Variants in CHRNA5 observed in about 807,000 individuals in gnomAD.
The protein encoded by CHRNA5 is neuronal acetylcholine receptor subunit alpha-5.
CHRNA5 carries 28 observed loss-of-function variants against 41.2 expected under a neutral mutation model. The ratio of observed to expected loss-of-function variants is 0.68; its 90% CI spans 0.50 to 0.93. The LOEUF (loss-of-function observed/expected upper bound fraction) is 0.93. CHRNA5 is among the 40% of genes least tolerant of loss of function. The pLI is 0.00. For missense variants in CHRNA5, 481 were observed against 581.9 expected (o/e 0.83, Z 1.78); for synonymous variants, 188 against 205.8 (o/e 0.91, Z 0.74).
At position 78,588,538 on chromosome 15, in the gene CHRNA5, C is replaced by T. The variant is rs2052982198; in HGVS notation, c.413+115C>T. The T allele has an allele frequency of 2.0e-6, 1 of 503,778 alleles. No homozygotes were observed. The highest frequency in any genetic ancestry group is 3.5e-6 in the Non-Finnish European group (1 of 288,724). 31.2% of individuals were successfully genotyped at this position (503,778 alleles called of 1,614,324 possible). A position where few individuals can be genotyped will look rare whatever the true frequency, so the allele number is the denominator to read the frequency against. On this transcript the variant is annotated intron_variant, in intron 4 of 5. Transcript: ENST00000299565. This position sits in a 1 kb window ranked among gnomAD's most constrained non-coding sequence, Gnocchi z 4.1. ...TTGTTTAGGTATAAAAATCAAATGACATGACCGCATGTGCCTGGGTATGAT... is the reference window on the plus strand; with the variant it reads ...TTGTTTAGGTATAAAAATCAAATGATATGACCGCATGTGCCTGGGTATGAT...
intron 1 of CHRNA5, 70 bp downstream of exon 1, chr15:78,565,895 G>A (rs1489780550): frequency 3.1e-6 from 3 of 969,398 alleles, no homozygotes; most frequent in African/African-American, 1.7e-5. Context: ...CCAGGAAGCC[G>A]CCAGGCGACG....
intron 1 of CHRNA5, among the ~76,000 whole-genome samples, chr15:78,574,377 TC>T (rs1418556980): frequency 1.1e-5 from 1 of 87,034 alleles, no homozygotes; most frequent in Admixed American, 1.5e-4. Flanking sequence ...CTAAACGCTG[TC>T]TCAAAAAAAA....
intron 1 of CHRNA5, among the ~76,000 whole-genome samples, chr15:78,574,778 A>G (rs2052842003): frequency 6.6e-6 from 1 of 152,010 alleles, no homozygotes; most frequent in Non-Finnish European, 1.5e-5. Context: ...TCAGGAGTTC[A>G]AGACCAGCCT....
chr15:78,593,219 T>TA lies in CHRNA5; in HGVS notation c.1375dup (p.Ile459AsnfsTer10), dbSNP rs2053040305. On this transcript the variant is annotated frameshift_variant, in exon 6 of 6. Coordinates refer to ENST00000299565, the Ensembl canonical transcript of CHRNA5. LOFTEE classifies it high-confidence loss of function. ...GTTATTTATAAATGGGCAAATATATTAATACCAGTTCATATTGGAAATGCA... is the reference window on the plus strand; with the variant it reads ...GTTATTTATAAATGGGCAAATATATTAAATACCAGTTCATATTGGAAATGCA... The TA allele has an allele frequency of 6.2e-7, 1 of 1,612,714 alleles. No individual in the cohort carries two copies. Among genetic ancestry groups the TA allele is most frequent in the African/African-American group, 1.3e-5 (1 of 74,840 alleles).
intron 1 of CHRNA5, among the ~76,000 whole-genome samples, chr15:78,577,960 ACTTTTAT>A (rs5813926): frequency 0.28 from 42,707 of 150,240 alleles, 6,809 homozygotes; most frequent in Admixed American, 0.47. Flanking sequence ...ATTTATTAAT[ACTTTTAT>A]CTTTTAACCC....
At chr15:78,574,048 C>G (rs1484949153) in intron 1 of CHRNA5, among the ~76,000 whole-genome samples, 2 of 144,386 alleles carry the variant, frequency 1.4e-5, no homozygotes, top group African/African-American at 2.6e-5. Flanking sequence ...CTCCTAACCT[C>G]GTGATCCGCC....
At chr15:78,582,106 A>G (rs914189034) in intron 2 of CHRNA5, among the ~76,000 whole-genome samples, 9 of 152,206 alleles carry the variant, frequency 5.9e-5, no homozygotes, top group Non-Finnish European at 1.3e-4. Flanking sequence ...GCTTCCAGAA[A>G]GGTTAATGAA....
intron 1 of CHRNA5, among the ~76,000 whole-genome samples, chr15:78,570,422 C>CTCTTTTTTTTTT (rs1567050748): frequency 1.5e-5 from 1 of 66,288 alleles, no homozygotes; most frequent in Non-Finnish European, 2.5e-5. Context: ...CCAATCCCGG[C>CTCTTTTTTTTTT]TATTTTTTTT....
chr15:78,593,023 G>A, intron 5 of CHRNA5, 69 bp from the exon 6 acceptor site: 1 of 1,552,310 alleles, frequency 6.4e-7, no homozygotes, highest in South Asian at 1.2e-5. Flanking sequence ...AACTCAGTGT[G>A]TTTGTTATAT....
chr15:78,580,050 C>T (rs1201525712), intron 1 of CHRNA5, among the ~76,000 whole-genome samples: 2 of 151,804 alleles, frequency 1.3e-5, no homozygotes, highest in Non-Finnish European at 1.5e-5. Context: ...GAGGCTGAGG[C>T]GGGCAGATTG....
At chr15:78,580,674 T>G (rs954670778) in intron 1 of CHRNA5, 137 bp from the exon 2 acceptor site, 29 of 517,716 alleles carry the variant, frequency 5.6e-5, no homozygotes, top group Non-Finnish European at 7.7e-5. Context: ...TCTCTCTCCA[T>G]GGCCCAGGTT....
intron 2 of CHRNA5, among the ~76,000 whole-genome samples, chr15:78,581,800 G>A (rs1462601581): frequency 6.6e-6 from 1 of 152,002 alleles, no homozygotes; most frequent in East Asian, 1.9e-4. Context: ...TTACAAAATT[G>A]GAATAATATT....
chr15:78,579,552 A>AT (rs1340747609), intron 1 of CHRNA5, among the ~76,000 whole-genome samples: 8 of 151,698 alleles, frequency 5.3e-5, no homozygotes, highest in Admixed American at 1.3e-4. Context: ...CCGCCTATTT[A>AT]TTTTTTTTAC....
chr15:78,589,851 T>A (rs949729557), exon 5 of CHRNA5: 2 of 1,612,454 alleles, frequency 1.2e-6, no homozygotes, highest in African/African-American at 1.3e-5. Context: ...AGTCATCAGG[T>A]ACAATGGCAC....
chr15:78,590,464 A>C, exon 5 of CHRNA5: 1 of 1,614,194 alleles, frequency 6.2e-7, no homozygotes, highest in Non-Finnish European at 8.5e-7. Flanking sequence ...ATATTTCTTC[A>C]CACGCTTCCC....
At chr15:78,570,018 C>G (rs940873147) in intron 1 of CHRNA5, among the ~76,000 whole-genome samples, 1 of 150,870 alleles carries the variant, frequency 6.6e-6, no homozygotes, top group African/African-American at 2.4e-5. Flanking sequence ...TGGGGTTTCT[C>G]CATTTTGGCC....
intron 5 of CHRNA5, among the ~76,000 whole-genome samples, chr15:78,592,427 G>T (rs2053025808): frequency 1.3e-5 from 2 of 152,200 alleles, no homozygotes; most frequent in African/African-American, 4.8e-5. Context: ...CCTTCATAGA[G>T]GTTCAGGGCC....
rs1162422034 is a variant in CHRNA5, at chr15:78,591,536, TATA to T, written c.1245+903_1245+905del. On this transcript the variant is annotated intron_variant, in intron 5 of 5. Transcript: ENST00000299565. ...GAATGTACATTAAAATTATGTGAAT[TATA>T]ATCTGTAAAGCTATTTTAAATGGAA... 5.3e-5 allele frequency among the ~76,000 whole-genome samples: 8 copies of T among 152,316 alleles called. No individual in the cohort carries two copies. The East Asian group carries it at 1.5e-3, about 29-fold the overall frequency.
At chr15:78,589,882 C>T in exon 5 of CHRNA5, 1 of 1,614,052 alleles carries the variant, frequency 6.2e-7, no homozygotes, top group East Asian at 2.2e-5. Context: ...ACTCCACCGG[C>T]AAACTACAAA....
Sources: gnomAD v4.1 joint callset for allele counts (sites outside exome capture counted in the v4.1 genomes callset) on GRCh38, gnomAD v4.1.1 for gene constraint, Gnocchi (gnomAD v3.1) non-coding constraint, MANE v1.5 for transcripts, NCBI Gene and HGNC (gene_info 2026-07-23, HGNC 2026-07-21) for gene names.